ERC2: variants seen among roughly 807,000 people sequenced by gnomAD.
ERC2 encodes the protein ERC protein 2.
ERC2 carries 42 observed loss-of-function variants against 114.8 expected under a neutral mutation model. That is an observed-to-expected ratio of 0.37 (90% CI 0.29 to 0.47). The LOEUF (loss-of-function observed/expected upper bound fraction) is 0.47. ERC2 is among the 20% of genes least tolerant of loss of function. The pLI, the probability that ERC2 is intolerant of heterozygous loss-of-function variation, is 0.99. For missense variants in ERC2, 939 were observed against 1,150.7 expected, an observed-to-expected ratio of 0.82 and a Z score of 2.66; for synonymous variants, 454 against 425.5, an observed-to-expected ratio of 1.07 and a Z score of -0.82.
intron 8 of ERC2, among the ~76,000 whole-genome samples, chr3:56,011,813 A>C (rs1184148851): frequency 6.6e-6 from 1 of 152,206 alleles, no homozygotes; most frequent in East Asian, 1.9e-4. Flanking sequence ...GCATAGTGCA[A>C]GACAATGCCT....
intron 13 of ERC2, among the ~76,000 whole-genome samples, chr3:55,908,425 G>C (rs945928097): frequency 1.3e-5 from 2 of 152,080 alleles, no homozygotes; most frequent in Non-Finnish European, 2.9e-5. Flanking sequence ...AGGGAGGCAG[G>C]AAAGGCCAGG....
chr3:55,956,285 T>C (rs980219687), intron 12 of ERC2, among the ~76,000 whole-genome samples: 8 of 152,186 alleles, frequency 5.3e-5, no homozygotes, highest in East Asian at 1.9e-4. Flanking sequence ...AATGGAAGCA[T>C]TGCAGGAAGC....
intron 15 of ERC2, among the ~76,000 whole-genome samples, chr3:55,704,245 T>C (rs2063366783): frequency 6.6e-6 from 1 of 152,226 alleles, no homozygotes; most frequent in Non-Finnish European, 1.5e-5. Flanking sequence ...AATAGCCTAA[T>C]GGCAATATGG....
chr3:56,126,807 G>GAAGGGAAGGAAAGGAAAGGAAAGGA (rs2079894134), intron 6 of ERC2, among the ~76,000 whole-genome samples: 1 of 107,460 alleles, frequency 9.3e-6, no homozygotes. Flanking sequence ...AAAGGAAAGG[G>GAAGGGAAGGAAAGGAAAGGAAAGGA]AAGGAAAGGA....
intron 13 of ERC2, among the ~76,000 whole-genome samples, chr3:55,893,182 G>A (rs563630101): frequency 6.6e-6 from 1 of 152,238 alleles, no homozygotes; most frequent in South Asian, 2.1e-4. Context: ...TTTCTGTTAT[G>A]TATAAGCCAC....
chr3:56,246,533 C>T (rs1002758832), intron 3 of ERC2, among the ~76,000 whole-genome samples: 23 of 152,036 alleles, frequency 1.5e-4, no homozygotes, highest in Non-Finnish European at 2.9e-4. Context: ...TCCACTATTC[C>T]AATCATGTTT....
chr3:56,357,511 G>A (rs1244536123), intron 2 of ERC2, among the ~76,000 whole-genome samples: 1 of 151,974 alleles, frequency 6.6e-6, no homozygotes, highest in African/African-American at 2.4e-5. Flanking sequence ...CACCTCTTCA[G>A]CTTGAGCTCC....
intron 2 of ERC2, among the ~76,000 whole-genome samples, chr3:56,359,564 A>C (rs900108328): frequency 2.0e-5 from 3 of 152,246 alleles, no homozygotes; most frequent in African/African-American, 7.2e-5. Flanking sequence ...AACCAAGACA[A>C]AGTGACTTGC....
intron 2 of ERC2, among the ~76,000 whole-genome samples, chr3:56,386,768 A>G (rs142510426): frequency 4.8e-4 from 73 of 152,310 alleles, no homozygotes; most frequent in African/African-American, 1.7e-3. Flanking sequence ...ATAAACTGCT[A>G]GGTCACATAG....
chr3:56,062,349 G>A (rs1229131066), intron 7 of ERC2, among the ~76,000 whole-genome samples: 1 of 152,104 alleles, frequency 6.6e-6, no homozygotes, highest in East Asian at 1.9e-4. Context: ...TTTTCTGTGG[G>A]GATCTGAAGC....
chr3:56,293,740 G>A (rs2055243842), intron 3 of ERC2, among the ~76,000 whole-genome samples: 1 of 152,164 alleles, frequency 6.6e-6, no homozygotes, highest in Non-Finnish European at 1.5e-5. Context: ...CCTTCTGTGT[G>A]CTTTCAAACT....
intron 17 of ERC2, among the ~76,000 whole-genome samples, chr3:55,531,411 T>A (rs766495325): frequency 6.6e-6 from 1 of 152,148 alleles, no homozygotes; most frequent in African/African-American, 2.4e-5. Context: ...TCCTTCCCCA[T>A]GACAAGCCAC....
At chr3:55,557,312 A>G (rs980679479) in intron 17 of ERC2, among the ~76,000 whole-genome samples, 1 of 152,198 alleles carries the variant, frequency 6.6e-6, no homozygotes, top group Non-Finnish European at 1.5e-5. Flanking sequence ...TCGTGTTGAC[A>G]GACAAGCACC....
chr3:55,892,128 G>T (rs963281506), intron 13 of ERC2, among the ~76,000 whole-genome samples: 1 of 152,148 alleles, frequency 6.6e-6, no homozygotes. Context: ...ATGATTATGG[G>T]CACATTAAGT....
rs936091155 is a variant in ERC2, at chr3:55,802,356, T to C, written c.2565-67438A>G. On this transcript the variant is annotated intron_variant, in intron 14 of 17. Transcript: ENST00000288221. ...ATGAGGATATTATTTAGAATAGTTA[T>C]CTTGAGTATAGGGGACGGGGAGGTA... is the stretch of plus-strand genomic sequence containing the variant. Among the ~76,000 whole-genome samples, 3 of 152,214 alleles carry C rather than the reference T, an allele frequency of 2.0e-5. No individual in the cohort carries two copies. The East Asian group carries it at 5.8e-4, about 29-fold the overall frequency.
At chr3:55,709,397 G>T (rs2063656348) in intron 15 of ERC2, among the ~76,000 whole-genome samples, 1 of 152,176 alleles carries the variant, frequency 6.6e-6, no homozygotes, top group African/African-American at 2.4e-5. Context: ...TCAAAGAGAG[G>T]TTTCATAGAA....
chr3:55,968,662 T>A (rs949940525), intron 12 of ERC2, among the ~76,000 whole-genome samples: 4 of 152,280 alleles, frequency 2.6e-5, no homozygotes, highest in Middle Eastern at 3.4e-3. Flanking sequence ...TGCACAAAAA[T>A]GATACACGTT....
chr3:56,387,777 G>A (rs963184542), intron 2 of ERC2, among the ~76,000 whole-genome samples: 4 of 152,030 alleles, frequency 2.6e-5, no homozygotes. Flanking sequence ...TGCAAGATGC[G>A]TATGACCCAG....
At chr3:55,667,256 G>A (rs1309511582) in intron 17 of ERC2, among the ~76,000 whole-genome samples, 1 of 152,202 alleles carries the variant, frequency 6.6e-6, no homozygotes, top group African/African-American at 2.4e-5. Flanking sequence ...AGGGAAGATA[G>A]TGCTCATCTT....
Sources: allele counts gnomAD v4.1 joint callset (sites outside exome capture counted in the v4.1 genomes callset), GRCh38; gene constraint gnomAD v4.1.1; transcripts MANE v1.5; gene names NCBI Gene and HGNC (gene_info 2026-07-23, HGNC 2026-07-21).